The following FLCN variants were observed in gnomAD, a reference collection of about 807,000 sequenced individuals.
FLCN encodes the protein BHD skin lesion fibrofolliculoma protein.
In FLCN, 22 loss-of-function variants were observed where a neutral mutation model predicts 62.5. The ratio of observed to expected loss-of-function variants is 0.35; its 90% CI spans 0.25 to 0.50. FLCN has a LOEUF of 0.50. Ranked by LOEUF, FLCN falls within the 20% of genes least tolerant of loss-of-function variation. The probability of loss-of-function intolerance (pLI) is 0.97; values close to 1 mark genes in which losing one functional copy is unlikely to be tolerated. For synonymous variants in FLCN, 319 were observed against 310.0 expected (o/e 1.03, Z -0.30); for missense variants, 657 against 778.0 (o/e 0.84, Z 1.85).
intron 9 of FLCN, among the ~76,000 whole-genome samples, chr17:17,218,372 A>G (rs924440708): frequency 1.4e-5 from 2 of 147,936 alleles, no homozygotes; most frequent in Non-Finnish European, 3.0e-5. Context: ...TTTTGTAAGA[A>G]TGACCATCAC....
intron 8 of FLCN, chr17:17,219,424 A>G: frequency 1.7e-6 from 1 of 593,694 alleles, no homozygotes; most frequent in Non-Finnish European, 3.0e-6. Flanking sequence ...CTCTCTTAGA[A>G]GCACTTATGG....
chr17:17,217,499 G>A (rs1391009894), intron 9 of FLCN: 5 of 395,116 alleles, frequency 1.3e-5, no homozygotes, highest in Non-Finnish European at 2.4e-5. Context: ...GACACTTTCT[G>A]CTGAACCATT....
chr17:17,222,495 C>T lies in FLCN; in HGVS notation c.779+6G>A, dbSNP rs778530618. 4 of 1,614,174 alleles carry T rather than the reference C, an allele frequency of 2.5e-6. No individual in the cohort carries two copies. The highest frequency in any genetic ancestry group is 2.2e-5 in the South Asian group (2 of 91,070). The stretch of plus-strand genomic sequence containing the variant: ...CAGATATGCCAAAAGCAGAGACGCC[C>T]GTTACCAGGCAAAGGAGGTGTGCAG... On this transcript the variant is annotated splice_donor_region_variant and intron_variant, in intron 7 of 13. Transcript: ENST00000285071.
chr17:17,227,165 T>A (rs1224137213), intron 4 of FLCN, among the ~76,000 whole-genome samples: 1 of 152,102 alleles, frequency 6.6e-6, no homozygotes, highest in Non-Finnish European at 1.5e-5. Flanking sequence ...TGCACTGCAG[T>A]GGCAGGTCCA....
rs2046794350 is a variant in FLCN, at chr17:17,212,692, A to G, written c.*963T>C. On this transcript the variant is annotated 3_prime_UTR_variant, in exon 14 of 14. Transcript: ENST00000285071. ...TTCCAGCTACTCTGGAGGCTGAGGC[A>G]GGAGAATTGCTTGAACCCAGGAGGC... is the stretch of plus-strand genomic sequence containing the variant. 1 of 181,226 alleles carries G rather than the reference A, an allele frequency of 5.5e-6. No homozygotes were observed. The highest frequency in any genetic ancestry group is 6.3e-5 in the Admixed American group (1 of 15,926). 11.2% of individuals were successfully genotyped at this position (181,226 alleles called of 1,614,324 possible).
At chr17:17,234,839 C>T (rs1325150611) in intron 1 of FLCN, among the ~76,000 whole-genome samples, 1 of 149,988 alleles carries the variant, frequency 6.7e-6, no homozygotes, top group Non-Finnish European at 1.5e-5. Context: ...AGGCTGGGTG[C>T]GGTGGCTCAC....
chr17:17,222,412 A>G, intron 7 of FLCN, 89 bp downstream of exon 7: 2 of 1,578,554 alleles, frequency 1.3e-6, no homozygotes, highest in Non-Finnish European at 8.6e-7. Context: ...ACGGCTAAGG[A>G]CTGTTCTCCC....
At chr17:17,222,772 C>G (rs748031353) in intron 6 of FLCN, 111 bp from the exon 7 acceptor site, 2 of 1,263,930 alleles carry the variant, frequency 1.6e-6, no homozygotes, top group Non-Finnish European at 2.3e-6. Context: ...ATCAGTCCCA[C>G]TATACTCTCT....
Position 17,226,886 on chromosome 17 carries a change from T to C in FLCN, c.250-564A>G, listed in dbSNP as rs1360734286. Among the ~76,000 whole-genome samples the C allele has an allele frequency of 5.9e-5, 9 of 152,208 alleles. No homozygotes were observed. In the East Asian group the frequency reaches 7.7e-4, roughly 13 times the overall value. ...CCCGCTGCAGCCACAGCCACTCCGA[T>C]GCTGAGGCTGTGCGCCCTGGAGCTG... On this transcript the variant is annotated intron_variant, in intron 4 of 13. Coordinates refer to ENST00000285071, the MANE Select transcript of FLCN (RefSeq NM_144997.7).
At chr17:17,236,370 C>A (rs937506568) in intron 1 of FLCN, among the ~76,000 whole-genome samples, 1 of 152,240 alleles carries the variant, frequency 6.6e-6, no homozygotes, top group African/African-American at 2.4e-5. Flanking sequence ...CGGTGATAAT[C>A]TGGCACTAAA....
intron 8 of FLCN, 40 bp from the exon 9 acceptor site, chr17:17,219,249 G>C: frequency 6.2e-7 from 1 of 1,604,076 alleles, no homozygotes; most frequent in South Asian, 1.1e-5. Flanking sequence ...GATACAAACA[G>C]TCTCATCCTG....
At position 17,219,046 on chromosome 17, in the gene FLCN, G is replaced by C. The variant is rs755850825; in HGVS notation, c.1035C>G (p.Val345=). ...GCCTCATGTGCCGGAGGGACTTGAA[G>C]ACTGGCAGCTTCCGGGGCTGCCAGC... ...CGSWQPRKLP[V]FKSLRHMRQV... The change falls in exon 9 of 14, where the codon GTC becomes GTG. Residue 345 remains valine (V), a synonymous_variant. Coordinates refer to ENST00000285071, the MANE Select transcript of FLCN (RefSeq NM_144997.7). 11 of 1,613,822 alleles carry C rather than the reference G, an allele frequency of 6.8e-6. No homozygotes were observed. Among genetic ancestry groups the C allele is most frequent in the Non-Finnish European group, 8.5e-6 (10 of 1,179,934 alleles).
intron 3 of FLCN, among the ~76,000 whole-genome samples, chr17:17,230,548 C>T (rs2047390221): frequency 6.6e-6 from 1 of 151,168 alleles, no homozygotes; most frequent in South Asian, 2.1e-4. Flanking sequence ...CCAAAAACAA[C>T]AAAAACAAAA....
intron 3 of FLCN, chr17:17,229,436 C>T (rs2047355639): frequency 6.6e-6 from 1 of 152,304 alleles, no homozygotes; most frequent in South Asian, 2.1e-4. Context: ...AAATGATCTA[C>T]ACTGGTCACA....
chr17:17,222,838 G>T, intron 6 of FLCN, 177 bp from the exon 7 acceptor site: 1 of 735,114 alleles, frequency 1.4e-6, no homozygotes. Context: ...GCATAGCTCT[G>T]CCCCGGCTAC....
In FLCN at chr17:17,227,963, G is replaced by A. The variant is rs778275358; in HGVS notation, c.175C>T (p.Arg59Cys). Residue 59 changes from arginine to cysteine, a missense_variant, in exon 4 of 14, where the codon CGT (arginine) becomes TGT (cysteine). By Grantham distance (180) the Arg-to-Cys change is radical (BLOSUM62 -3). Coordinates refer to ENST00000285071, the MANE Select transcript of FLCN (RefSeq NM_144997.7). ...GCCCCCTCTGCGGGGCTGTGCGCACGCATCCGACTGTTCATCTGAATGCCA... is the reference window on the plus strand; with the variant it reads ...GCCCCCTCTGCGGGGCTGTGCGCACACATCCGACTGTTCATCTGAATGCCA... ...EGGIQMNSRMRAHSPAEGASV... is the reference protein window; with the variant it reads ...EGGIQMNSRMCAHSPAEGASV... 35 of 1,614,026 alleles carry A rather than the reference G, an allele frequency of 2.2e-5. No homozygotes were observed. Among genetic ancestry groups the A allele is most frequent in the Middle Eastern group, 1.6e-4 (1 of 6,084 alleles).
intron 8 of FLCN, chr17:17,219,497 C>T (rs1314656267): frequency 4.5e-6 from 2 of 444,502 alleles, no homozygotes; most frequent in African/African-American, 2.0e-5. Flanking sequence ...ATGCCAACAG[C>T]GTGTCTACGG....
Position 17,213,940 on chromosome 17 carries a change from G to A in FLCN, c.1539-84C>T, listed in dbSNP as rs904013221. On this transcript the variant is annotated intron_variant, in intron 13 of 13. Transcript: ENST00000285071. ...CACGGGGCCAACCAGGGGTGACACGGCTTTGGCACCAGCAGGAGCTGTGCA... is the reference window on the plus strand; with the variant it reads ...CACGGGGCCAACCAGGGGTGACACGACTTTGGCACCAGCAGGAGCTGTGCA... 28 of 1,453,834 alleles carry A rather than the reference G, an allele frequency of 1.9e-5. No homozygotes were observed. The South Asian group carries it at 2.4e-4, about 12-fold the overall frequency. The allele number at this position is 1,453,834 out of a possible 1,614,324, so 90.1% of individuals were successfully genotyped here.
chr17:17,233,517 T>C (rs1005725613), intron 1 of FLCN, among the ~76,000 whole-genome samples: 3 of 141,974 alleles, frequency 2.1e-5, no homozygotes, highest in Non-Finnish European at 4.5e-5. Context: ...GAGAATGGCG[T>C]GAACCTGAGA....
Sources: gnomAD v4.1 joint callset for allele counts (sites outside exome capture counted in the v4.1 genomes callset) on GRCh38, gnomAD v4.1.1 for gene constraint, MANE v1.5 for transcripts, NCBI Gene and HGNC (gene_info 2026-07-23, HGNC 2026-07-21) for gene names.